The following NOS1AP variants were observed in gnomAD, a reference collection of about 807,000 sequenced individuals.
The protein encoded by NOS1AP is nitric oxide synthase 1 adaptor protein.
A neutral mutation model predicts 56.2 loss-of-function variants in NOS1AP; 21 were observed. The observed-to-expected ratio is 0.37, with a 90% CI of 0.26 to 0.54. The LOEUF is 0.54. Among genes scored for constraint, NOS1AP ranks in the 20% least tolerant of loss-of-function variants. NOS1AP has a pLI of 0.84. For synonymous variants in NOS1AP, 270 were observed against 274.6 expected, an observed-to-expected ratio of 0.98 and a Z score of 0.17; for missense variants, 522 against 657.8, an observed-to-expected ratio of 0.79 and a Z score of 2.26.
intron 2 of NOS1AP, among the ~76,000 whole-genome samples, chr1:162,252,466 T>A (rs190584696): frequency 1.6e-3 from 246 of 152,328 alleles, no homozygotes; most frequent in African/African-American, 5.7e-3. Flanking sequence ...CATGTGCAAA[T>A]TCAAGGGGAG....
intron 1 of NOS1AP, among the ~76,000 whole-genome samples, chr1:162,105,773 T>C (rs1425549489): frequency 2.0e-5 from 3 of 152,144 alleles, no homozygotes; most frequent in African/African-American, 7.2e-5. Context: ...AATGACGGAG[T>C]CTACCAAACC....
At chr1:162,258,529 T>C (rs1654108096) in intron 2 of NOS1AP, among the ~76,000 whole-genome samples, 1 of 152,166 alleles carries the variant, frequency 6.6e-6, no homozygotes, top group Non-Finnish European at 1.5e-5. Context: ...TGACACGTAA[T>C]GGTCCTCTGT....
At chr1:162,160,446 C>T (rs1451141224) in intron 2 of NOS1AP, among the ~76,000 whole-genome samples, 1 of 152,172 alleles carries the variant, frequency 6.6e-6, no homozygotes, top group Non-Finnish European at 1.5e-5. Context: ...CTGAAATGCT[C>T]TTAGGAGAAC....
At position 162,188,519 on chromosome 1, in the gene NOS1AP, A is replaced by T. The variant is rs983531988; in HGVS notation, c.177+34043A>T. Among the ~76,000 whole-genome samples the T allele has an allele frequency of 2.0e-5, 3 of 152,188 alleles. No homozygotes were observed. Among genetic ancestry groups the T allele is most frequent in the African/African-American group, 7.2e-5 (3 of 41,444 alleles). On this transcript the variant is annotated intron_variant, in intron 2 of 9. Transcript: ENST00000361897. The surrounding 1 kb of genome is among the most constrained non-coding windows in gnomAD (Gnocchi z 4.0). ...TTGTTTGTGGGCTCTGATATATGCC[A>T]CACAGCCTACAACTCGACTCTGGCA...
intron 2 of NOS1AP, among the ~76,000 whole-genome samples, chr1:162,213,547 T>C (rs954633752): frequency 6.6e-6 from 1 of 152,248 alleles, no homozygotes; most frequent in African/African-American, 2.4e-5. Flanking sequence ...GTCCTCACTG[T>C]TGAATTCGGT....
At chr1:162,300,029 T>C (rs1655591955) in intron 3 of NOS1AP, among the ~76,000 whole-genome samples, 1 of 152,216 alleles carries the variant, frequency 6.6e-6, no homozygotes, top group Non-Finnish European at 1.5e-5. Context: ...CTTTCATGGA[T>C]GAATGTGTTC....
chr1:162,084,160 A>T (rs1190977197), intron 1 of NOS1AP, among the ~76,000 whole-genome samples: 1 of 152,220 alleles, frequency 6.6e-6, no homozygotes, highest in Non-Finnish European at 1.5e-5. Context: ...ATTATCTGTC[A>T]TCTTCGCGTT....
chr1:162,090,722 A>G (rs1692111165), intron 1 of NOS1AP, among the ~76,000 whole-genome samples: 1 of 152,012 alleles, frequency 6.6e-6, no homozygotes, highest in South Asian at 2.1e-4. Context: ...TTTTATCTCT[A>G]AAATAGTTTT....
chr1:162,351,149 A>G (rs1479809819), intron 6 of NOS1AP, among the ~76,000 whole-genome samples: 1 of 152,188 alleles, frequency 6.6e-6, no homozygotes, highest in Non-Finnish European at 1.5e-5. Context: ...AACATCTGAA[A>G]CACCTGTAGT....
rs187529022 is a variant in NOS1AP at position 162,143,159 on chromosome 1, G to T, written c.106-11246G>T. 3.4e-3 allele frequency among the ~76,000 whole-genome samples: 520 copies of T among 151,990 alleles called. 2 individuals carry two copies. The highest frequency in any genetic ancestry group is 0.012 in the African/African-American group (502 of 41,436). Reference sequence around the variant, plus strand: ...ATAGTTAGCCATTCCCTGATGAGGGGTGGCAGGTGGGGGTGTTTGCCAGTT... The same window carrying T: ...ATAGTTAGCCATTCCCTGATGAGGGTTGGCAGGTGGGGGTGTTTGCCAGTT... On this transcript the variant is annotated intron_variant, in intron 1 of 9. Transcript: ENST00000361897.
Position 162,121,899 on chromosome 1 carries a change from G to A in NOS1AP, c.106-32506G>A, listed in dbSNP as rs114630194. 3.0e-3 allele frequency among the ~76,000 whole-genome samples: 456 copies of A among 152,230 alleles called. 4 individuals carry two copies. Among genetic ancestry groups the A allele is most frequent in the African/African-American group, 0.01 (434 of 41,528 alleles). The stretch of plus-strand genomic sequence containing the variant: ...ATAATTGAATGTTCGCAGTTGGGGC[G>A]CAATAACCCATTTCTAAATACTGTA... On this transcript the variant is annotated intron_variant, in intron 1 of 9. Transcript: ENST00000361897.
At chr1:162,241,015 ATCC>A (rs1653474952) in intron 2 of NOS1AP, among the ~76,000 whole-genome samples, 1 of 152,166 alleles carries the variant, frequency 6.6e-6, no homozygotes, top group East Asian at 1.9e-4. Flanking sequence ...AATCCAGCCT[ATCC>A]TCTACTTCTC....
At chr1:162,277,304 A>G (rs1654774671) in intron 2 of NOS1AP, among the ~76,000 whole-genome samples, 1 of 152,228 alleles carries the variant, frequency 6.6e-6, no homozygotes, top group South Asian at 2.1e-4. Flanking sequence ...ATTGCTCGAC[A>G]GAGACAACAC....
intron 2 of NOS1AP, among the ~76,000 whole-genome samples, chr1:162,185,019 G>A (rs138916414): frequency 1.4e-4 from 22 of 152,278 alleles, no homozygotes; most frequent in Non-Finnish European, 2.1e-4. Flanking sequence ...AGCTCCAAGA[G>A]GATAATCCTT....
chr1:162,079,546 A>C (rs1691841966), intron 1 of NOS1AP, among the ~76,000 whole-genome samples: 1 of 152,100 alleles, frequency 6.6e-6, no homozygotes, highest in Non-Finnish European at 1.5e-5. Flanking sequence ...TTGCTACTTG[A>C]CTTTGTGTGA....
chr1:162,313,285 A>G (rs1656108900), intron 4 of NOS1AP, among the ~76,000 whole-genome samples: 1 of 152,238 alleles, frequency 6.6e-6, no homozygotes, highest in Non-Finnish European at 1.5e-5. Context: ...TGACCAAATA[A>G]TACATAACTG....
intron 4 of NOS1AP, among the ~76,000 whole-genome samples, chr1:162,313,467 A>G (rs949427258): frequency 6.6e-6 from 1 of 152,174 alleles, no homozygotes; most frequent in Admixed American, 6.5e-5. Flanking sequence ...TCTCTCAGTA[A>G]TATATCAAGA....
intron 1 of NOS1AP, among the ~76,000 whole-genome samples, chr1:162,131,713 G>A (rs988481437): frequency 2.0e-5 from 3 of 152,068 alleles, no homozygotes; most frequent in African/African-American, 7.2e-5. Flanking sequence ...CATTCTGTGA[G>A]CTCCAGTGTT....
chr1:162,334,936 C>A (rs746082795), intron 5 of NOS1AP, among the ~76,000 whole-genome samples: 1 of 152,096 alleles, frequency 6.6e-6, no homozygotes, highest in South Asian at 2.1e-4. Flanking sequence ...AGCAGGAAAC[C>A]TAGGTAAGAG....
Sources: allele counts gnomAD v4.1 joint callset (sites outside exome capture counted in the v4.1 genomes callset), GRCh38; gene constraint gnomAD v4.1.1; non-coding constraint Gnocchi (gnomAD v3.1); transcripts MANE v1.5; gene names NCBI Gene and HGNC (gene_info 2026-07-23, HGNC 2026-07-21).